The following RGS7 variants were observed in gnomAD, a reference collection of about 807,000 sequenced individuals.
The protein encoded by RGS7 is regulator of G protein signaling 7, also known as regulator of G-protein signaling 7.
RGS7 carries 27 observed loss-of-function variants against 81.1 expected under a neutral mutation model. That is an observed-to-expected ratio of 0.33 (90% CI 0.25 to 0.46). RGS7 has a LOEUF of 0.46. Ranked by LOEUF, RGS7 falls within the 20% of genes least tolerant of loss-of-function variation. The probability of loss-of-function intolerance (pLI) is 1.00; values close to 1 mark genes in which losing one functional copy is unlikely to be tolerated. For synonymous variants in RGS7, 208 were observed against 207.7 expected (o/e 1.00, Z -0.01); for missense variants, 396 against 607.4 (o/e 0.65, Z 3.66).
intron 2 of RGS7, among the ~76,000 whole-genome samples, chr1:241,315,220 A>G (rs1028046237): frequency 2.0e-5 from 3 of 150,066 alleles, no homozygotes; most frequent in Admixed American, 6.7e-5. Context: ...ACAGCCAAAG[A>G]TCAACCTAAG....
chr1:241,129,031 A>G (rs1171465441), intron 2 of RGS7, among the ~76,000 whole-genome samples: 1 of 152,174 alleles, frequency 6.6e-6, no homozygotes, highest in Non-Finnish European at 1.5e-5. Context: ...AGCATGGAGG[A>G]GAGACGTAAT....
intron 2 of RGS7, among the ~76,000 whole-genome samples, chr1:241,300,306 G>A (rs962373097): frequency 6.6e-6 from 1 of 152,052 alleles, no homozygotes; most frequent in African/African-American, 2.4e-5. Flanking sequence ...CATAGTTTAC[G>A]CTAGGGTTCA....
intron 3 of RGS7, among the ~76,000 whole-genome samples, chr1:240,988,810 CT>C (rs1317844181): frequency 6.6e-6 from 1 of 152,184 alleles, no homozygotes; most frequent in Admixed American, 6.5e-5. Flanking sequence ...TTCTGTCTGC[CT>C]TTGGCCAAAA....
chr1:241,129,268 C>CAA (rs1293764553), intron 2 of RGS7, among the ~76,000 whole-genome samples: 3 of 146,292 alleles, frequency 2.1e-5, no homozygotes, highest in Admixed American at 1.4e-4. Context: ...AACAAACAAA[C>CAA]AAAAAAAAAA....
At chr1:241,176,217 G>A (rs1053280596) in intron 2 of RGS7, among the ~76,000 whole-genome samples, 3 of 152,142 alleles carry the variant, frequency 2.0e-5, no homozygotes, top group Admixed American at 2.0e-4. Context: ...GGGGAGTTGT[G>A]GCCAGAAGTC....
At chr1:241,297,328 T>C (rs186071931) in intron 2 of RGS7, among the ~76,000 whole-genome samples, 1 of 152,154 alleles carries the variant, frequency 6.6e-6, no homozygotes, top group East Asian at 1.9e-4. Flanking sequence ...TGAAGGTGAG[T>C]AGACTGAATA....
At chr1:240,797,310 C>T (rs530428205) in intron 18 of RGS7, among the ~76,000 whole-genome samples, 52 of 152,278 alleles carry the variant, frequency 3.4e-4, no homozygotes, top group Non-Finnish European at 4.4e-4. Context: ...TTAATGTTTG[C>T]ATAGCAGACA....
At chr1:241,176,539 G>A (rs1396522753) in intron 2 of RGS7, among the ~76,000 whole-genome samples, 1 of 152,046 alleles carries the variant, frequency 6.6e-6, no homozygotes, top group Non-Finnish European at 1.5e-5. Context: ...ATTGGCTGAG[G>A]ATCCTAAACC....
At chr1:240,975,685 A>G (rs149533971) in intron 4 of RGS7, among the ~76,000 whole-genome samples, 1 of 152,352 alleles carries the variant, frequency 6.6e-6, no homozygotes, top group Non-Finnish European at 1.5e-5. Flanking sequence ...TTTTATTTTG[A>G]TAAATTTGCT....
chr1:240,932,944 C>CT (rs1675828525), intron 5 of RGS7, among the ~76,000 whole-genome samples: 1 of 113,146 alleles, frequency 8.8e-6, no homozygotes, highest in Non-Finnish European at 1.7e-5. Context: ...ACTGCAGTGG[C>CT]GCGATCTCGG....
At position 241,278,397 on chromosome 1, in the gene RGS7, A is replaced by G. The variant is rs185107773; in HGVS notation, c.78+77302T>C. On this transcript the variant is annotated intron_variant, in intron 2 of 18. Coordinates refer to ENST00000440928, the MANE Select transcript of RGS7 (RefSeq NM_001364886.1). ...TTTTGTTTTTTCTAATCTATTCTACATTACTTCCCTGCAGGACCTGTTCTT... is the reference window on the plus strand; with the variant it reads ...TTTTGTTTTTTCTAATCTATTCTACGTTACTTCCCTGCAGGACCTGTTCTT... 4.6e-5 allele frequency among the ~76,000 whole-genome samples: 7 copies of G among 152,204 alleles called. No individual in the cohort carries two copies. In the East Asian group the frequency reaches 9.6e-4, roughly 21 times the overall value.
chr1:240,934,876 C>CTTTTTTTTTTTTTTTTTTTTTT (rs555195177), intron 5 of RGS7, among the ~76,000 whole-genome samples: 1 of 67,134 alleles, frequency 1.5e-5, no homozygotes, highest in African/African-American at 6.2e-5. Flanking sequence ...CTTCACATGG[C>CTTTTTTTTTTTTTTTTTTTTTT]TTTTTTTTTT....
At chr1:241,138,398 CCAGCTGAACA>C (rs914627507) in intron 2 of RGS7, among the ~76,000 whole-genome samples, 3 of 152,070 alleles carry the variant, frequency 2.0e-5, no homozygotes, top group Non-Finnish European at 4.4e-5. Flanking sequence ...GGATCAGGAA[CCAGCTGAACA>C]CAGCTGAACA....
chr1:240,831,679 AGGCT>A lies in RGS7; in HGVS notation c.610-4511_610-4508del, dbSNP rs574338759. On this transcript the variant is annotated intron_variant, in intron 9 of 18. Transcript: ENST00000440928. ...AGACGGAGTTTCACTCTTGTTGCCCAGGCTGGAGTGCAATGGCGCAATCTCGGCT... is the reference window on the plus strand; with the variant it reads ...AGACGGAGTTTCACTCTTGTTGCCCAGGAGTGCAATGGCGCAATCTCGGCT... 4.1e-3 allele frequency among the ~76,000 whole-genome samples: 568 copies of A among 137,852 alleles called. 3 individuals are homozygous for A. The highest frequency in any genetic ancestry group is 6.8e-3 in the Non-Finnish European group (448 of 65,852). 90.4% of individuals were successfully genotyped at this position (137,852 alleles called of 152,430 possible).
intron 2 of RGS7, among the ~76,000 whole-genome samples, chr1:241,165,547 G>A (rs908599097): frequency 1.1e-4 from 16 of 149,172 alleles, no homozygotes; most frequent in South Asian, 4.3e-4. Flanking sequence ...ACCAAACACC[G>A]CATATTCTCA....
chr1:241,221,044 A>AGG (rs2074947651), intron 2 of RGS7, among the ~76,000 whole-genome samples: 1 of 88,696 alleles, frequency 1.1e-5, no homozygotes, highest in Non-Finnish European at 2.7e-5. Context: ...GAAGGAAAAG[A>AGG]AAGAAAGAAA....
chr1:241,208,864 G>A (rs1272053101), intron 2 of RGS7, among the ~76,000 whole-genome samples: 1 of 152,174 alleles, frequency 6.6e-6, no homozygotes, highest in Non-Finnish European at 1.5e-5. Context: ...GCCAGGCAAG[G>A]TAAGAGAATG....
chr1:241,285,691 A>C (rs899396367), intron 2 of RGS7, among the ~76,000 whole-genome samples: 7 of 152,202 alleles, frequency 4.6e-5, no homozygotes, highest in African/African-American at 1.7e-4. Flanking sequence ...CAGTGCTTTC[A>C]AACAGTATAC....
intron 2 of RGS7, among the ~76,000 whole-genome samples, chr1:241,257,506 T>C (rs2148256044): frequency 6.6e-6 from 1 of 152,286 alleles, no homozygotes; most frequent in African/African-American, 2.4e-5. Flanking sequence ...GTGCCAAAAT[T>C]AACCAGTCAA....
Sources: allele counts gnomAD v4.1 joint callset (sites outside exome capture counted in the v4.1 genomes callset), GRCh38; gene constraint gnomAD v4.1.1; transcripts MANE v1.5; gene names NCBI Gene and HGNC (gene_info 2026-07-23, HGNC 2026-07-21).